The following UTRN variants were observed in gnomAD, a reference collection of about 807,000 sequenced individuals.
UTRN encodes utrophin, also known as dystrophin-related protein 1.
UTRN carries 283 observed loss-of-function variants against 463.9 expected under a neutral mutation model. The observed-to-expected ratio is 0.61, with a 90% confidence interval of 0.55 to 0.67. The LOEUF is 0.67. UTRN is among the 30% of genes least tolerant of loss of function. The pLI is 0.00. For synonymous variants in UTRN, 1,442 were observed against 1,431.5 expected (o/e 1.01, Z -0.17); for missense variants, 3,922 against 4,084.3 (o/e 0.96, Z 1.08).
intron 65 of UTRN, among the ~76,000 whole-genome samples, chr6:144,813,279 C>G (rs2128750702): frequency 6.6e-6 from 1 of 152,176 alleles, no homozygotes; most frequent in South Asian, 2.1e-4. Flanking sequence ...ACCTCTGCCT[C>G]CCGGGTTCAA....
At chr6:144,772,019 T>G in intron 59 of UTRN, 51 bp downstream of exon 59, 1 of 380,156 alleles carries the variant, frequency 2.6e-6, no homozygotes, top group Non-Finnish European at 3.1e-6. Context: ...AGAACCGGTT[T>G]TTTTTTTTTT....
chr6:144,382,500 A>G (rs1781024806), intron 2 of UTRN, among the ~76,000 whole-genome samples: 1 of 152,228 alleles, frequency 6.6e-6, no homozygotes, highest in African/African-American at 2.4e-5. Context: ...TGTGCAGTGT[A>G]CTATTCTTTT....
At chr6:144,501,453 T>A (rs1050124477) in intron 34 of UTRN, among the ~76,000 whole-genome samples, 1 of 152,122 alleles carries the variant, frequency 6.6e-6, no homozygotes, top group South Asian at 2.1e-4. Context: ...TTTTTTTTCA[T>A]TTTTTTGAGC....
At chr6:144,338,185 A>G (rs1776881801) in intron 2 of UTRN, among the ~76,000 whole-genome samples, 1 of 152,132 alleles carries the variant, frequency 6.6e-6, no homozygotes, top group Non-Finnish European at 1.5e-5. Flanking sequence ...AATTTTTTGA[A>G]CCATACCAAC....
chr6:144,603,592 A>G (rs1051722401), intron 51 of UTRN, among the ~76,000 whole-genome samples: 2 of 152,082 alleles, frequency 1.3e-5, no homozygotes, highest in Non-Finnish European at 2.9e-5. Context: ...CATCTCTTTG[A>G]TGTTAAGAAA....
At chr6:144,652,443 A>G (rs1221115752) in intron 51 of UTRN, among the ~76,000 whole-genome samples, 2 of 152,212 alleles carry the variant, frequency 1.3e-5, no homozygotes, top group South Asian at 2.1e-4. Context: ...ACATTGCAGC[A>G]TCTCTTTAGA....
intron 40 of UTRN, 46 bp from the exon 41 acceptor site, chr6:144,522,970 T>A: frequency 1.4e-6 from 2 of 1,411,390 alleles, no homozygotes; most frequent in Admixed American, 4.6e-5. Flanking sequence ...ATTCCTTTTT[T>A]TGTTACTTTG....
intron 56 of UTRN, among the ~76,000 whole-genome samples, chr6:144,752,574 ATTTTC>A (rs1341159003): frequency 1.3e-5 from 2 of 152,170 alleles, no homozygotes; most frequent in Non-Finnish European, 2.9e-5. Context: ...AATGGTTCAT[ATTTTC>A]TTAATGAAAT....
At chr6:144,346,809 C>A (rs1385368932) in intron 2 of UTRN, among the ~76,000 whole-genome samples, 1 of 151,866 alleles carries the variant, frequency 6.6e-6, no homozygotes, top group Non-Finnish European at 1.5e-5. Flanking sequence ...GGCATCAGGG[C>A]GAGACTCTGT....
intron 43 of UTRN, among the ~76,000 whole-genome samples, chr6:144,534,714 C>T (rs1370171016): frequency 6.6e-6 from 1 of 151,974 alleles, no homozygotes; most frequent in Admixed American, 6.6e-5. Context: ...TGATTAGGAA[C>T]TCAAAGACTA....
chr6:144,664,370 TC>T (rs1183012919), intron 51 of UTRN, among the ~76,000 whole-genome samples: 3 of 152,210 alleles, frequency 2.0e-5, no homozygotes, highest in African/African-American at 7.2e-5. Context: ...TCTGACCTGT[TC>T]AGTTTTGATT....
intron 3 of UTRN, among the ~76,000 whole-genome samples, chr6:144,413,359 A>G (rs367574804): frequency 6.6e-6 from 1 of 152,172 alleles, no homozygotes; most frequent in Non-Finnish European, 1.5e-5. Flanking sequence ...TGGGTAATTT[A>G]TAAAGGAAAG....
At chr6:144,397,918 G>C (rs923126999) in intron 2 of UTRN, 1 of 156,782 alleles carries the variant, frequency 6.4e-6, no homozygotes, top group African/African-American at 2.4e-5. Context: ...TTGACAAGTG[G>C]AGTTGTTTTC....
chr6:144,484,089 A>T lies in UTRN; in HGVS notation c.3688-1296A>T, dbSNP rs1792170373. Among the ~76,000 whole-genome samples, 3 of 152,218 alleles carry T rather than the reference A, an allele frequency of 2.0e-5. No individual in the cohort carries two copies. The South Asian group carries it at 6.2e-4, about 32-fold the overall frequency. On this transcript the variant is annotated intron_variant, in intron 27 of 74. Transcript: ENST00000367545. The stretch of plus-strand genomic sequence containing the variant: ...CTGAGTTCTTTCTCCTAAACTTACC[A>T]CTCAAATAAGTTCCTCTTATAATAA...
intron 46 of UTRN, among the ~76,000 whole-genome samples, chr6:144,545,685 T>C (rs1221209331): frequency 1.3e-5 from 2 of 152,224 alleles, no homozygotes; most frequent in African/African-American, 4.8e-5. Flanking sequence ...TGTCTTCTTG[T>C]ATTGATTTTA....
chr6:144,610,040 C>A (rs1433362557), intron 51 of UTRN, among the ~76,000 whole-genome samples: 1 of 150,648 alleles, frequency 6.6e-6, no homozygotes, highest in Non-Finnish European at 1.5e-5. Context: ...GAAGAACAAG[C>A]TAATCTGAAA....
chr6:144,662,295 C>T (rs959562288), intron 51 of UTRN, among the ~76,000 whole-genome samples: 1 of 152,120 alleles, frequency 6.6e-6, no homozygotes, highest in African/African-American at 2.4e-5. Context: ...ACTGGAATTA[C>T]GGAAAAGTAT....
chr6:144,441,099 CCATAT>C (rs1294876309), intron 13 of UTRN, among the ~76,000 whole-genome samples: 1 of 152,112 alleles, frequency 6.6e-6, no homozygotes, highest in African/African-American at 2.4e-5. Context: ...CACAAGCAAA[CCATAT>C]CATTCCACCC....
At chr6:144,482,112 A>T in intron 26 of UTRN, 97 bp from the exon 27 acceptor site, 1 of 1,112,164 alleles carries the variant, frequency 9.0e-7, no homozygotes, top group Non-Finnish European at 1.2e-6. Flanking sequence ...CAGATGTTTT[A>T]ACTTTGGTTT....
Sources: gnomAD v4.1 joint callset for allele counts (sites outside exome capture counted in the v4.1 genomes callset) on GRCh38, gnomAD v4.1.1 for gene constraint, MANE v1.5 for transcripts, NCBI Gene and HGNC (gene_info 2026-07-23, HGNC 2026-07-21) for gene names.